DAB1: variants seen among roughly 807,000 people sequenced by gnomAD.
DAB1 encodes disabled homolog 1.
DAB1 carries 15 observed loss-of-function variants against 64.6 expected under a neutral mutation model. The ratio of observed to expected loss-of-function variants is 0.23; its 90% CI spans 0.16 to 0.36. The LOEUF is 0.36. DAB1 is among the 10% of genes least tolerant of loss of function. DAB1 has a pLI of 1.00. For synonymous variants in DAB1, 235 were observed against 251.9 expected (o/e 0.93, Z 0.64); for missense variants, 596 against 706.7 (o/e 0.84, Z 1.78).
intron 4 of DAB1, among the ~76,000 whole-genome samples, chr1:58,288,628 G>A (rs972475821): frequency 2.0e-5 from 3 of 152,106 alleles, no homozygotes; most frequent in South Asian, 2.1e-4. Flanking sequence ...TGAAAAGTTC[G>A]TCTTTTAGTA....
intron 1 of DAB1, among the ~76,000 whole-genome samples, chr1:58,533,073 T>C (rs1251318606): frequency 6.6e-6 from 1 of 152,230 alleles, no homozygotes; most frequent in African/African-American, 2.4e-5. Context: ...ATTTAAAAAA[T>C]ACTTTCTCTA....
At chr1:57,962,425 G>A (rs539641010) in intron 5 of DAB1, among the ~76,000 whole-genome samples, 3 of 152,018 alleles carry the variant, frequency 2.0e-5, no homozygotes, top group South Asian at 2.1e-4. Context: ...CATCAACTAG[G>A]TACTGACATC....
intron 5 of DAB1, among the ~76,000 whole-genome samples, chr1:58,103,814 G>A (rs913453281): frequency 1.3e-5 from 2 of 152,006 alleles, no homozygotes; most frequent in African/African-American, 4.8e-5. Context: ...TCTTCCTTGG[G>A]CCAGTCTTTT....
At chr1:58,004,042 C>T (rs944973359) in intron 5 of DAB1, among the ~76,000 whole-genome samples, 15 of 152,142 alleles carry the variant, frequency 9.9e-5, no homozygotes, top group Admixed American at 3.3e-4. Flanking sequence ...TGTGAGATAA[C>T]GGACTAATGC....
chr1:57,350,991 C>T (rs996439198), intron 1 of DAB1, among the ~76,000 whole-genome samples: 16 of 152,160 alleles, frequency 1.1e-4, no homozygotes, highest in African/African-American at 3.6e-4. Context: ...GAGAGAGACA[C>T]ATTGAGGTAG....
chr1:57,124,858 T>C (rs1465091280), intron 4 of DAB1, among the ~76,000 whole-genome samples: 2 of 152,166 alleles, frequency 1.3e-5, no homozygotes, highest in Non-Finnish European at 2.9e-5. Context: ...TCAGACAGAC[T>C]GTCAGGCTTG....
At chr1:57,196,072 A>C (rs571033020) in intron 2 of DAB1, among the ~76,000 whole-genome samples, 1 of 152,264 alleles carries the variant, frequency 6.6e-6, no homozygotes, top group South Asian at 2.1e-4. Flanking sequence ...GAGTGGGATG[A>C]AGAAGGGCCA....
chr1:57,679,788 T>C (rs1646614965), intron 6 of DAB1, among the ~76,000 whole-genome samples: 1 of 152,188 alleles, frequency 6.6e-6, no homozygotes, highest in South Asian at 2.1e-4. Context: ...GTTTCTGGAT[T>C]AAACTGAACA....
intron 2 of DAB1, among the ~76,000 whole-genome samples, chr1:57,248,491 T>C (rs1669065543): frequency 6.6e-6 from 1 of 152,204 alleles, no homozygotes; most frequent in South Asian, 2.1e-4. Flanking sequence ...ACTATGCTTC[T>C]AAACTACTTT....
chr1:57,724,243 A>G (rs1647181438), intron 6 of DAB1, among the ~76,000 whole-genome samples: 1 of 148,374 alleles, frequency 6.7e-6, no homozygotes, highest in African/African-American at 2.5e-5. Flanking sequence ...AGGAAGAAAG[A>G]AAGGAAGGGA....
chr1:58,148,188 T>C (rs1654718326), intron 5 of DAB1, among the ~76,000 whole-genome samples: 1 of 152,084 alleles, frequency 6.6e-6, no homozygotes, highest in Non-Finnish European at 1.5e-5. Context: ...CCCCTCACCA[T>C]CACTAGCCAC....
chr1:57,942,580 A>T (rs1023092028), intron 5 of DAB1, among the ~76,000 whole-genome samples: 9 of 152,290 alleles, frequency 5.9e-5, no homozygotes, highest in African/African-American at 2.2e-4. Flanking sequence ...TACCATGTGC[A>T]CCTTTCAAGT....
At chr1:58,455,624 A>G (rs1645186395) in intron 3 of DAB1, among the ~76,000 whole-genome samples, 1 of 152,252 alleles carries the variant, frequency 6.6e-6, no homozygotes, top group South Asian at 2.1e-4. Flanking sequence ...GGGATACACA[A>G]AAGAATGAAT....
At chr1:58,487,564 G>GA (rs1364750053) in intron 3 of DAB1, among the ~76,000 whole-genome samples, 1 of 152,102 alleles carries the variant, frequency 6.6e-6, no homozygotes. Flanking sequence ...CTGAACTTCT[G>GA]AAAAAATTCT....
chr1:57,682,810 G>A lies in DAB1; in HGVS notation n.552-33145C>T, dbSNP rs186391161. On this transcript the variant is annotated intron_variant and non_coding_transcript_variant, in intron 6 of 20. Coordinates refer to the DAB1 transcript ENST00000485760. ...CCCAGGACTTCCCATATCCCTCTGA[G>A]AGGCTTTAGCCTCAGTTGACTGCCA... Among the ~76,000 whole-genome samples, 34 of 152,292 alleles carry A rather than the reference G, an allele frequency of 2.2e-4. 1 individual carries two copies. The highest frequency in any genetic ancestry group is 4.3e-4 in the Non-Finnish European group (29 of 68,026).
At chr1:58,205,384 C>T (rs1334159708) in intron 4 of DAB1, among the ~76,000 whole-genome samples, 1 of 152,172 alleles carries the variant, frequency 6.6e-6, no homozygotes, top group Non-Finnish European at 1.5e-5. Context: ...CCGGTTTATT[C>T]CCACATCTGC....
intron 7 of DAB1, among the ~76,000 whole-genome samples, chr1:57,544,609 T>C (rs1644836500): frequency 6.6e-6 from 1 of 152,096 alleles, no homozygotes; most frequent in Non-Finnish European, 1.5e-5. Flanking sequence ...CCTGATATGG[T>C]TTGGATGTGT....
At chr1:57,852,165 T>C (rs1324911013) in intron 1 of DAB1, among the ~76,000 whole-genome samples, 1 of 152,132 alleles carries the variant, frequency 6.6e-6, no homozygotes, top group Non-Finnish European at 1.5e-5. Flanking sequence ...TTCCCTAACC[T>C]TTTCCCTTTT....
intron 4 of DAB1, among the ~76,000 whole-genome samples, chr1:58,311,064 G>A: frequency 6.6e-6 from 1 of 152,080 alleles, no homozygotes; most frequent in Admixed American, 6.6e-5. Flanking sequence ...TGCTAAGTCA[G>A]TTTAGCAGGA....
Sources: allele counts gnomAD v4.1 joint callset (sites outside exome capture counted in the v4.1 genomes callset), GRCh38; gene constraint gnomAD v4.1.1; transcripts MANE v1.5; gene names NCBI Gene and HGNC (gene_info 2026-07-23, HGNC 2026-07-21).